Variants in CEP135 observed in about 807,000 individuals in gnomAD.
CEP135 encodes centrosomal protein of 135 kDa.
In CEP135, 142 loss-of-function variants were observed where a neutral mutation model predicts 157.3. The observed-to-expected ratio is 0.90, with a 90% confidence interval of 0.79 to 1.04. The LOEUF (loss-of-function observed/expected upper bound fraction) is 1.04, where lower values mean the gene tolerates loss of function less well. CEP135 is among the 50% of genes least tolerant of loss of function. CEP135 has a pLI of 0.00. For synonymous variants in CEP135, 396 were observed against 439.8 expected, an observed-to-expected ratio of 0.90 and a Z score of 1.25; for missense variants, 1,317 against 1,309.2, an observed-to-expected ratio of 1.01 and a Z score of -0.09.
intron 11 of CEP135, among the ~76,000 whole-genome samples, chr4:55,976,908 C>G (rs527750222): frequency 6.6e-6 from 1 of 152,068 alleles, no homozygotes; most frequent in African/African-American, 2.4e-5. Context: ...CTACTGGGCT[C>G]AAGCCATTTT....
In CEP135 at chr4:55,974,664, A is replaced by G. The variant is rs62308569; in HGVS notation, c.1250-82A>G. The G allele has an allele frequency of 0.018, 18,577 of 1,025,584 alleles. 223 individuals are homozygous for G. Among genetic ancestry groups the G allele is most frequent in the Middle Eastern group, 0.041 (154 of 3,726 alleles). The allele number at this position is 1,025,584 out of a possible 1,614,324, so 63.5% of individuals were successfully genotyped here. Reference sequence around the variant, plus strand: ...CATGATTTCTAGTAGCTTTCATTCTAAAAGTTATTAATATAATTTACTTGA... The same window carrying G: ...CATGATTTCTAGTAGCTTTCATTCTGAAAGTTATTAATATAATTTACTTGA... On this transcript the variant is annotated intron_variant, in intron 10 of 25. Coordinates refer to ENST00000257287, the MANE Select transcript of CEP135 (RefSeq NM_025009.5).
intron 14 of CEP135, among the ~76,000 whole-genome samples, chr4:55,991,033 T>C (rs1338085622): frequency 1.3e-5 from 2 of 152,124 alleles, no homozygotes; most frequent in African/African-American, 4.8e-5. Context: ...AGGAGTACAG[T>C]GGCGTGATCT....
intron 13 of CEP135, among the ~76,000 whole-genome samples, chr4:55,984,838 G>T (rs952768270): frequency 6.6e-6 from 1 of 152,112 alleles, no homozygotes; most frequent in African/African-American, 2.4e-5. Flanking sequence ...ATTGAAACTC[G>T]CATCTCTTGC....
intron 10 of CEP135, among the ~76,000 whole-genome samples, chr4:55,972,131 C>T (rs1386455652): frequency 6.6e-6 from 1 of 151,520 alleles, no homozygotes; most frequent in Non-Finnish European, 1.5e-5. Flanking sequence ...GCCTGGGTGA[C>T]AGAATGAGAT....
chr4:55,993,090 T>TA (rs967816743), intron 15 of CEP135, among the ~76,000 whole-genome samples: 5 of 151,984 alleles, frequency 3.3e-5, no homozygotes, highest in South Asian at 4.2e-4. Flanking sequence ...AATGACACTT[T>TA]AAAAAAAAGA....
At chr4:55,993,634 A>G (rs2109704774) in intron 15 of CEP135, among the ~76,000 whole-genome samples, 1 of 152,340 alleles carries the variant, frequency 6.6e-6, no homozygotes, top group African/African-American at 2.4e-5. Context: ...CTTGTCATCC[A>G]GAATTTCACT....
In CEP135 at chr4:56,011,845, A is replaced by C; in HGVS notation, c.2662A>C (p.Asn888His). 1 of 1,600,652 alleles carries C rather than the reference A, an allele frequency of 6.2e-7. No homozygotes were observed. Among genetic ancestry groups the C allele is most frequent in the South Asian group, 1.1e-5 (1 of 88,424 alleles). The change falls in exon 21 of 26, where the codon AAC (asparagine) becomes CAC (histidine). Residue 888 changes from asparagine (N) to histidine (H), a missense_variant. Physicochemically the swap from Asn to His is moderately conservative, Grantham distance 68. Coordinates refer to ENST00000257287, the MANE Select transcript of CEP135 (RefSeq NM_025009.5). ...DLLDRFQMLH[N>H]RAEDWEVKAH... ...GTTAGATAGATTTCAGATGCTTCAT[A>C]ACCGTGCTGAAGACTGGGAGGTCAA... is the stretch of plus-strand genomic sequence containing the variant.
At chr4:56,031,131 CTAAA>C (rs558510777) in intron 25 of CEP135, among the ~76,000 whole-genome samples, 2 of 151,478 alleles carry the variant, frequency 1.3e-5, no homozygotes, top group African/African-American at 2.4e-5. Flanking sequence ...GACCCTATCT[CTAAA>C]TAAATAAATA....
chr4:55,990,176 C>G (rs1729738239), intron 14 of CEP135, among the ~76,000 whole-genome samples: 1 of 152,232 alleles, frequency 6.6e-6, no homozygotes, highest in South Asian at 2.1e-4. Flanking sequence ...GTCAAGAGTT[C>G]CATTATCTCT....
intron 8 of CEP135, among the ~76,000 whole-genome samples, chr4:55,968,220 T>G (rs2593085): frequency 0.47 from 72,051 of 151,994 alleles, 17,648 homozygotes; most frequent in African/African-American, 0.6. Flanking sequence ...TGAAAAACCC[T>G]TACACTTGAA....
chr4:55,969,428 TAAAA>T (rs5858359), intron 9 of CEP135, among the ~76,000 whole-genome samples: 3 of 129,142 alleles, frequency 2.3e-5, no homozygotes, highest in Non-Finnish European at 3.3e-5. Context: ...ACTCCATCTT[TAAAA>T]AAAAAAAAAA....
At chr4:56,005,764 C>A (rs1308572866) in intron 17 of CEP135, among the ~76,000 whole-genome samples, 1 of 152,086 alleles carries the variant, frequency 6.6e-6, no homozygotes, top group Non-Finnish European at 1.5e-5. Flanking sequence ...CTTAGCATTT[C>A]TTTTAAGATA....
At chr4:55,983,167 A>G (rs184075556) in intron 13 of CEP135, among the ~76,000 whole-genome samples, 7 of 152,334 alleles carry the variant, frequency 4.6e-5, no homozygotes, top group Admixed American at 3.9e-4. Context: ...AAAATTGCCA[A>G]ATGGGAAACT....
In CEP135 at chr4:55,965,770, T is replaced by G; in HGVS notation, c.955T>G (p.Leu319Val). 6.2e-7 allele frequency: 1 copy of G among 1,613,840 alleles called. No homozygotes were observed. The highest frequency in any genetic ancestry group is 8.5e-7 in the Non-Finnish European group (1 of 1,179,816). ...CAAAAATGAAAAACTCTGCCAAGAA[T>G]TAACTGAAATAGATCAGTTAGCACA... ...SNKNEKLCQELTEIDQLAQQL... is the reference protein window; with the variant it reads ...SNKNEKLCQEVTEIDQLAQQL... Residue 319 changes from leucine to valine, a missense_variant, in exon 8 of 26, where the codon TTA becomes GTA. Leu to Val is a conservative substitution (Grantham distance 32, BLOSUM62 1). Transcript: ENST00000257287.
At chr4:55,962,823 TC>T (rs1165676741) in intron 6 of CEP135, among the ~76,000 whole-genome samples, 1 of 151,952 alleles carries the variant, frequency 6.6e-6, no homozygotes, top group African/African-American at 2.4e-5. Flanking sequence ...GTCTTATGTA[TC>T]TTTTTCAAGT....
chr4:55,975,374 G>A (rs1237813928), intron 11 of CEP135, among the ~76,000 whole-genome samples: 1 of 152,048 alleles, frequency 6.6e-6, no homozygotes, highest in Admixed American at 6.5e-5. Context: ...GGACCAGTTA[G>A]GAAGGTGTGT....
intron 22 of CEP135, among the ~76,000 whole-genome samples, 198 bp from the exon 23 acceptor site, chr4:56,019,155 A>G (rs977755553): frequency 6.6e-6 from 1 of 152,230 alleles, no homozygotes; most frequent in African/African-American, 2.4e-5. Context: ...ATAAGCCCAT[A>G]GTAAAAATAG....
chr4:55,968,921 G>A (rs1159034062), intron 8 of CEP135, 142 bp from the exon 9 acceptor site: 8 of 504,602 alleles, frequency 1.6e-5, no homozygotes, highest in South Asian at 4.1e-5. Flanking sequence ...TTGCCTCTTC[G>A]TTGAAATTGA....
chr4:56,003,730 T>G (rs577214536), intron 17 of CEP135, among the ~76,000 whole-genome samples: 10 of 152,128 alleles, frequency 6.6e-5, no homozygotes, highest in South Asian at 4.1e-4. Context: ...TGTTTTTTTT[T>G]TTGTTTTTGA....
Sources: allele counts gnomAD v4.1 joint callset (sites outside exome capture counted in the v4.1 genomes callset), GRCh38; gene constraint gnomAD v4.1.1; transcripts MANE v1.5; gene names NCBI Gene and HGNC (gene_info 2026-07-23, HGNC 2026-07-21).